ANP32B: variants seen among roughly 807,000 people sequenced by gnomAD.
ANP32B encodes acidic nuclear phosphoprotein 32 family member B, also known as acidic leucine-rich nuclear phosphoprotein 32 family member B.
In ANP32B, 6 loss-of-function variants were observed where a neutral mutation model predicts 32.2. The observed-to-expected ratio is 0.19, with a 90% confidence interval of 0.10 to 0.37. The LOEUF is 0.37. Ranked by LOEUF, ANP32B falls within the 10% of genes least tolerant of loss-of-function variation. The pLI is 1.00. For missense variants in ANP32B, 204 were observed against 289.2 expected (o/e 0.71, Z 2.14); for synonymous variants, 98 against 105.8 (o/e 0.93, Z 0.45).
At chr9:97,988,724 CAAAAAT>C (rs1189509584) in intron 1 of ANP32B, among the ~76,000 whole-genome samples, 3 of 151,396 alleles carry the variant, frequency 2.0e-5, no homozygotes, top group South Asian at 2.1e-4. Flanking sequence ...GACTCCATCT[CAAAAAT>C]AAAAATAAAA....
intron 6 of ANP32B, among the ~76,000 whole-genome samples, chr9:98,012,861 G>A (rs1161199348): frequency 6.6e-6 from 1 of 152,204 alleles, no homozygotes; most frequent in Non-Finnish European, 1.5e-5. Flanking sequence ...CTCCAGAGTA[G>A]CTGGGGCTAC....
Position 97,983,571 on chromosome 9 carries a change from A to C in ANP32B, c.16A>C (p.Arg6=). ...AGAGGGGAACATGGACATGAAGAGG[A>C]GGATCCACCTGGAGCTGAGGAACCG... MDMKR[R]IHLELRNRTP... The change falls in exon 1 of 7, where the codon AGG becomes CGG. Residue 6 remains arginine (R), a synonymous_variant. Coordinates refer to ENST00000339399, the MANE Select transcript of ANP32B (RefSeq NM_006401.3). The C allele has an allele frequency of 1.2e-5, 19 of 1,586,886 alleles. No homozygotes were observed. Among genetic ancestry groups the C allele is most frequent in the Non-Finnish European group, 1.5e-5 (17 of 1,167,524 alleles).
intron 1 of ANP32B, among the ~76,000 whole-genome samples, chr9:97,990,351 T>C (rs181233947): frequency 9.8e-5 from 15 of 152,330 alleles, no homozygotes; most frequent in Admixed American, 5.9e-4. Context: ...TTAAGAACTT[T>C]CAACAACCTT....
intron 6 of ANP32B, among the ~76,000 whole-genome samples, chr9:98,014,688 G>A (rs180772654): frequency 1.3e-3 from 200 of 152,294 alleles, no homozygotes; most frequent in African/African-American, 4.5e-3. Context: ...GCTTAAAGAG[G>A]TTAAGCTTGT....
Position 98,012,965 on chromosome 9 carries a change from C to T in ANP32B, c.688+493C>T, listed in dbSNP as rs184425647. ...CAGGATGGTCTCAATCTCCTGACCTCGTGGTCCACCCGCCTCAGCCTCCCA... is the reference window on the plus strand; with the variant it reads ...CAGGATGGTCTCAATCTCCTGACCTTGTGGTCCACCCGCCTCAGCCTCCCA... On this transcript the variant is annotated intron_variant, in intron 6 of 6. Transcript: ENST00000339399. 7.2e-5 allele frequency among the ~76,000 whole-genome samples: 11 copies of T among 152,280 alleles called. No individual in the cohort carries two copies. In the East Asian group the frequency reaches 1.9e-3, roughly 27 times the overall value.
chr9:98,008,988 G>T (rs1407463393), intron 4 of ANP32B, among the ~76,000 whole-genome samples: 3 of 152,146 alleles, frequency 2.0e-5, no homozygotes, highest in African/African-American at 7.2e-5. Context: ...ATCATCTTGG[G>T]TAGATACTTA....
At position 98,015,547 on chromosome 9, in the gene ANP32B, A is replaced by G; in HGVS notation, c.*116A>G. The G allele has an allele frequency of 1.4e-6, 2 of 1,412,510 alleles. No homozygotes were observed. The highest frequency in any genetic ancestry group is 1.9e-6 in the Non-Finnish European group (2 of 1,080,282). 87.5% of individuals were successfully genotyped at this position (1,412,510 alleles called of 1,614,324 possible). Reference sequence around the variant, plus strand: ...CTGTGATACAAACCCCAGGACACCCACCCACCCAAAGAGCCAAAGAATAGT... The same window carrying G: ...CTGTGATACAAACCCCAGGACACCCGCCCACCCAAAGAGCCAAAGAATAGT... On this transcript the variant is annotated 3_prime_UTR_variant, in exon 7 of 7. Coordinates refer to ENST00000339399, the MANE Select transcript of ANP32B (RefSeq NM_006401.3).
intron 6 of ANP32B, among the ~76,000 whole-genome samples, chr9:98,014,010 TAA>T (rs368622430): frequency 6.6e-6 from 1 of 151,330 alleles, no homozygotes; most frequent in Non-Finnish European, 1.5e-5. Flanking sequence ...TTGTCTCAAA[TAA>T]AAAGTCTCAT....
intron 6 of ANP32B, 78 bp downstream of exon 6, chr9:98,012,550 A>G: frequency 6.4e-7 from 1 of 1,570,508 alleles, no homozygotes; most frequent in Non-Finnish European, 8.6e-7. Flanking sequence ...ATATGATACC[A>G]CTGAGAAGAA....
At position 98,015,937 on chromosome 9, in the gene ANP32B, T is replaced by C. The variant is rs1828274072; in HGVS notation, c.*506T>C. On this transcript the variant is annotated 3_prime_UTR_variant, in exon 7 of 7. Coordinates refer to ENST00000339399, the MANE Select transcript of ANP32B (RefSeq NM_006401.3). ...TTAAGCGAAATAAACAGTTACTCTT[T>C]GGTAAAGCCTAGTTGTATGCTTACA... The C allele has an allele frequency of 6.1e-6, 6 of 983,202 alleles. No individual in the cohort carries two copies. In the South Asian group the frequency reaches 2.4e-4, roughly 39 times the overall value. The allele number at this position is 983,202 out of a possible 1,614,324, so 60.9% of individuals were successfully genotyped here. A position where few individuals can be genotyped will look rare whatever the true frequency, so the allele number is the denominator to read the frequency against.
chr9:97,989,601 T>G (rs898338789), intron 1 of ANP32B, among the ~76,000 whole-genome samples: 6 of 152,144 alleles, frequency 3.9e-5, no homozygotes, highest in African/African-American at 1.4e-4. Context: ...ATTTGAGATA[T>G]AAGAAGAAAC....
intron 1 of ANP32B, among the ~76,000 whole-genome samples, chr9:97,989,799 C>A (rs1315296099): frequency 6.6e-6 from 1 of 152,278 alleles, no homozygotes; most frequent in South Asian, 2.1e-4. Flanking sequence ...GGCTTAGTTA[C>A]CTCTGTGGAG....
intron 2 of ANP32B, among the ~76,000 whole-genome samples, chr9:97,995,671 A>C (rs992130475): frequency 5.9e-5 from 9 of 152,240 alleles, no homozygotes; most frequent in Admixed American, 5.9e-4. Flanking sequence ...CTGTAATCCC[A>C]ACACTTTGGG....
At chr9:98,014,419 C>CA (rs1279444875) in intron 6 of ANP32B, among the ~76,000 whole-genome samples, 5 of 151,176 alleles carry the variant, frequency 3.3e-5, no homozygotes, top group Admixed American at 6.6e-5. Flanking sequence ...AAAAAAAAAA[C>CA]AACCTGTATG....
chr9:97,983,943 G>A (rs1827648623), intron 1 of ANP32B, among the ~76,000 whole-genome samples: 1 of 151,800 alleles, frequency 6.6e-6, no homozygotes, highest in South Asian at 2.1e-4. Context: ...TGTAACGCTG[G>A]GAGCCATGTT....
At chr9:97,983,792 C>A (rs1827642481) in intron 1 of ANP32B, among the ~76,000 whole-genome samples, 183 bp downstream of exon 1, 1 of 151,312 alleles carries the variant, frequency 6.6e-6, no homozygotes, top group South Asian at 2.1e-4. Flanking sequence ...TAACTCTTTG[C>A]CGCCCGCGGG....
At chr9:97,986,747 T>C (rs1278283906) in intron 1 of ANP32B, 3 of 152,226 alleles carry the variant, frequency 2.0e-5, no homozygotes, top group South Asian at 2.1e-4. Flanking sequence ...TGCAGACTTG[T>C]CGTGTGGGGT....
intron 1 of ANP32B, among the ~76,000 whole-genome samples, chr9:97,985,372 C>G (rs947416207): frequency 6.6e-6 from 1 of 152,144 alleles, no homozygotes; most frequent in African/African-American, 2.4e-5. Flanking sequence ...CCGGAGGGCC[C>G]GCGAGGGTGG....
At chr9:97,995,617 G>A (rs1401311795) in intron 2 of ANP32B, among the ~76,000 whole-genome samples, 2 of 152,036 alleles carry the variant, frequency 1.3e-5, no homozygotes, top group African/African-American at 2.4e-5. Flanking sequence ...AGCAGGTGGA[G>A]TGGGTTAAGT....
Sources: gnomAD v4.1 joint callset for allele counts (sites outside exome capture counted in the v4.1 genomes callset) on GRCh38, gnomAD v4.1.1 for gene constraint, MANE v1.5 for transcripts, NCBI Gene and HGNC (gene_info 2026-07-23, HGNC 2026-07-21) for gene names.